ZNF804B: variants seen among roughly 807,000 people sequenced by gnomAD.
ZNF804B encodes the protein zinc finger protein 804B.
Under a neutral mutation model 101.4 loss-of-function variants are expected in ZNF804B, and 80 were observed. The observed-to-expected ratio is 0.79, with a 90% CI of 0.66 to 0.95. The LOEUF (loss-of-function observed/expected upper bound fraction) is 0.95, where lower values mean the gene tolerates loss of function less well. ZNF804B is among the 40% of genes least tolerant of loss of function. The pLI, the probability that ZNF804B is intolerant of heterozygous loss-of-function variation, is 0.00. For synonymous variants in ZNF804B, 622 were observed against 558.8 expected, an observed-to-expected ratio of 1.11 and a Z score of -1.59; for missense variants, 1,673 against 1,561.9, an observed-to-expected ratio of 1.07 and a Z score of -1.20.
Position 88,759,975 on chromosome 7 carries a change from A to G in ZNF804B, c.-2A>G. The G allele has an allele frequency of 1.2e-6, 2 of 1,614,044 alleles. No individual in the cohort carries two copies. Among genetic ancestry groups the G allele is most frequent in the South Asian group, 1.1e-5 (1 of 91,074 alleles). On this transcript the variant is annotated 5_prime_UTR_variant, in exon 1 of 4. Transcript: ENST00000333190. ...AGACTCTGCGCCTCCGCCCGGACCC[A>G]CATGGCTTGTTACCTGGTCATCAGT...
At chr7:89,011,923 T>C (rs138396312) in intron 1 of ZNF804B, among the ~76,000 whole-genome samples, 1 of 152,240 alleles carries the variant, frequency 6.6e-6, no homozygotes, top group Non-Finnish European at 1.5e-5. Flanking sequence ...CTGTGGGGGA[T>C]CAAACCCTAC....
intron 1 of ZNF804B, among the ~76,000 whole-genome samples, chr7:89,095,609 G>T (rs1011471961): frequency 2.0e-5 from 3 of 152,148 alleles, no homozygotes; most frequent in Middle Eastern, 3.4e-3. Context: ...AATTTGTGAA[G>T]GTATACATAT....
Position 89,303,461 on chromosome 7 carries a change from G to A in ZNF804B, c.250-23883G>A, listed in dbSNP as rs558189721. 2.6e-5 allele frequency among the ~76,000 whole-genome samples: 4 copies of A among 151,966 alleles called. No homozygotes were observed. The East Asian group carries it at 7.7e-4, about 29-fold the overall frequency. ...TAATCAGAGAAAATAGATTGCAGAG[G>A]TTACCAGCTAGGGCTCAGGAGTCAA... is the stretch of plus-strand genomic sequence containing the variant. On this transcript the variant is annotated intron_variant, in intron 2 of 3. Transcript: ENST00000333190.
chr7:88,776,780 A>AACCCC (rs1562790637), intron 1 of ZNF804B, among the ~76,000 whole-genome samples: 1 of 83,490 alleles, frequency 1.2e-5, no homozygotes, highest in African/African-American at 4.2e-5. Context: ...TAACCCATAA[A>AACCCC]CCCCCCCCCC....
chr7:89,035,110 A>G (rs1788904958), intron 1 of ZNF804B, among the ~76,000 whole-genome samples: 1 of 152,184 alleles, frequency 6.6e-6, no homozygotes, highest in Non-Finnish European at 1.5e-5. Context: ...GGAGTATTTT[A>G]GAAGACGAGA....
chr7:89,201,354 G>A (rs1379703935), intron 1 of ZNF804B, among the ~76,000 whole-genome samples: 1 of 152,004 alleles, frequency 6.6e-6, no homozygotes, highest in Non-Finnish European at 1.5e-5. Flanking sequence ...TCACTTACTT[G>A]TGCTTTGACC....
At chr7:88,822,688 T>A (rs1465846921) in intron 1 of ZNF804B, among the ~76,000 whole-genome samples, 1 of 152,130 alleles carries the variant, frequency 6.6e-6, no homozygotes, top group Non-Finnish European at 1.5e-5. Flanking sequence ...AGCACCACAA[T>A]CTTGTAGTGG....
intron 1 of ZNF804B, among the ~76,000 whole-genome samples, chr7:88,842,488 A>G (rs1791303992): frequency 6.6e-6 from 1 of 152,226 alleles, no homozygotes; most frequent in African/African-American, 2.4e-5. Flanking sequence ...CAGGTCAGAA[A>G]ATGAAGAGTG....
At chr7:89,289,052 T>C (rs1018173491) in intron 2 of ZNF804B, among the ~76,000 whole-genome samples, 5 of 152,178 alleles carry the variant, frequency 3.3e-5, no homozygotes, top group African/African-American at 4.8e-5. Flanking sequence ...CTTTAATCTC[T>C]AGTGTGAATA....
At position 88,759,959 on chromosome 7, in the gene ZNF804B, G is replaced by A. The variant is rs764667789; in HGVS notation, c.-18G>A. 2.5e-6 allele frequency: 4 copies of A among 1,611,752 alleles called. No individual in the cohort carries two copies. The highest frequency in any genetic ancestry group is 1.1e-5 in the South Asian group (1 of 91,024). ...GCCTGGTGAGGAGTTGAGACTCTGC[G>A]CCTCCGCCCGGACCCACATGGCTTG... On this transcript the variant is annotated 5_prime_UTR_variant, in exon 1 of 4. Coordinates refer to ENST00000333190, the MANE Select transcript of ZNF804B (RefSeq NM_181646.5).
intron 1 of ZNF804B, among the ~76,000 whole-genome samples, chr7:88,999,700 A>C (rs1322946642): frequency 6.6e-6 from 1 of 152,056 alleles, no homozygotes; most frequent in Admixed American, 6.6e-5. Flanking sequence ...GCATGTAAAA[A>C]TATTTTTTCA....
chr7:89,177,986 A>G (rs1003323628), intron 1 of ZNF804B, among the ~76,000 whole-genome samples: 1 of 151,740 alleles, frequency 6.6e-6, no homozygotes, highest in Non-Finnish European at 1.5e-5. Context: ...TATAATTACT[A>G]TATCCTCTTG....
chr7:88,803,115 T>C (rs1031173110), intron 1 of ZNF804B, among the ~76,000 whole-genome samples: 6 of 152,166 alleles, frequency 3.9e-5, no homozygotes, highest in Non-Finnish European at 5.9e-5. Context: ...ATTTGTTTTG[T>C]ATTTTCCAAT....
At chr7:89,161,642 G>T (rs947948952) in intron 1 of ZNF804B, among the ~76,000 whole-genome samples, 11 of 97,724 alleles carry the variant, frequency 1.1e-4, no homozygotes, top group Non-Finnish European at 2.3e-4. Context: ...TCCCACCTTA[G>T]CCTCCCAAAG....
At position 88,916,311 on chromosome 7, in the gene ZNF804B, C is replaced by T. The variant is rs1342686560; in HGVS notation, c.108+156227C>T. 2.0e-5 allele frequency among the ~76,000 whole-genome samples: 3 copies of T among 152,068 alleles called. No individual in the cohort carries two copies. The East Asian group carries it at 5.8e-4, about 29-fold the overall frequency. ...CCTAGGAAATATGAATGAATGATGA[C>T]CATTAACTCTCACCAACACAAAATT... On this transcript the variant is annotated intron_variant, in intron 1 of 3. Coordinates refer to ENST00000333190, the MANE Select transcript of ZNF804B (RefSeq NM_181646.5).
At chr7:88,821,835 A>G (rs945155126) in intron 1 of ZNF804B, among the ~76,000 whole-genome samples, 2 of 152,150 alleles carry the variant, frequency 1.3e-5, no homozygotes, top group African/African-American at 4.8e-5. Context: ...TTACTGTTCT[A>G]GTACTGATTT....
chr7:89,298,257 T>TATATATATATATATAC (rs1429786060), intron 2 of ZNF804B, among the ~76,000 whole-genome samples: 1 of 108,412 alleles, frequency 9.2e-6, no homozygotes, highest in Non-Finnish European at 1.8e-5. Flanking sequence ...TATATATATA[T>TATATATATATATATAC]ACTTTAAGTT....
At chr7:89,007,570 TATATATA>T (rs1788388740) in intron 1 of ZNF804B, among the ~76,000 whole-genome samples, 1 of 129,712 alleles carries the variant, frequency 7.7e-6, no homozygotes, top group Non-Finnish European at 1.6e-5. Context: ...CTATTATAAT[TATATATA>T]ATATATATTT....
intron 1 of ZNF804B, among the ~76,000 whole-genome samples, chr7:88,955,290 A>G (rs1379476000): frequency 1.3e-5 from 2 of 151,686 alleles, no homozygotes; most frequent in Middle Eastern, 3.4e-3. Flanking sequence ...GCTTTTTACT[A>G]TAAAGAGTAG....
Sources: allele counts gnomAD v4.1 joint callset (sites outside exome capture counted in the v4.1 genomes callset), GRCh38; gene constraint gnomAD v4.1.1; transcripts MANE v1.5; gene names NCBI Gene and HGNC (gene_info 2026-07-23, HGNC 2026-07-21).